UNC5D: variants seen among roughly 807,000 people sequenced by gnomAD.
UNC5D encodes the protein unc-5 netrin receptor D, also known as netrin receptor UNC5D.
Under a neutral mutation model 105.4 loss-of-function variants are expected in UNC5D, and 39 were observed. The ratio of observed to expected loss-of-function variants is 0.37; its 90% CI spans 0.29 to 0.48. The LOEUF (loss-of-function observed/expected upper bound fraction) is 0.48, where lower values mean the gene tolerates loss of function less well. UNC5D is among the 20% of genes least tolerant of loss of function. The pLI, the probability that UNC5D is intolerant of heterozygous loss-of-function variation, is 0.98. For missense variants in UNC5D, 991 were observed against 1,202.4 expected (o/e 0.82, Z 2.60); for synonymous variants, 452 against 450.4 (o/e 1.00, Z -0.04).
intron 11 of UNC5D, among the ~76,000 whole-genome samples, chr8:35,734,292 C>T (rs185133414): frequency 4.5e-4 from 56 of 123,902 alleles, no homozygotes; most frequent in Admixed American, 2.3e-3. Flanking sequence ...CTCCACAGTG[C>T]TTTACTCCCT....
Position 35,631,027 on chromosome 8 carries a change from C to A in UNC5D, c.570+35370C>A, listed in dbSNP as rs549678516. Among the ~76,000 whole-genome samples, 177 of 152,310 alleles carry A rather than the reference C, an allele frequency of 1.2e-3. 3 individuals are homozygous for A. The highest frequency in any genetic ancestry group is 3.4e-3 in the Middle Eastern group (1 of 290). Reference sequence around the variant, plus strand: ...GAAAGGAGTCTTAAAAATCATTTGGCCTGGGCCGGGCACAGTGGCTCAAGC... The same window carrying A: ...GAAAGGAGTCTTAAAAATCATTTGGACTGGGCCGGGCACAGTGGCTCAAGC... On this transcript the variant is annotated intron_variant, in intron 4 of 16. Coordinates refer to ENST00000404895, the MANE Select transcript of UNC5D (RefSeq NM_080872.4).
intron 3 of UNC5D, among the ~76,000 whole-genome samples, chr8:35,569,598 C>G (rs1348132072): frequency 6.6e-6 from 1 of 152,200 alleles, no homozygotes; most frequent in Admixed American, 6.5e-5. Context: ...ACAAGCCAGG[C>G]TCTTGGTGTG....
intron 13 of UNC5D, among the ~76,000 whole-genome samples, chr8:35,756,568 G>A (rs59628747): frequency 0.039 from 5,231 of 133,784 alleles, 303 homozygotes; most frequent in African/African-American, 0.15. Flanking sequence ...AAAAAAAAAA[G>A]AAAAAAAGAA....
intron 1 of UNC5D, among the ~76,000 whole-genome samples, chr8:35,355,132 G>A (rs1801476442): frequency 6.6e-6 from 1 of 152,106 alleles, no homozygotes; most frequent in South Asian, 2.1e-4. Context: ...ATTCGTTGTG[G>A]CAGGGCACAG....
At chr8:35,253,789 AT>A (rs1803887735) in intron 1 of UNC5D, among the ~76,000 whole-genome samples, 2 of 152,002 alleles carry the variant, frequency 1.3e-5, no homozygotes, top group African/African-American at 4.8e-5. Context: ...ACGTGGCCTC[AT>A]TTCATTCTTT....
chr8:35,245,090 G>A (rs1012644715), intron 1 of UNC5D, among the ~76,000 whole-genome samples: 6 of 152,032 alleles, frequency 3.9e-5, no homozygotes, highest in Admixed American at 2.6e-4. Flanking sequence ...CTCAATCTGC[G>A]TACTTTTCTA....
At chr8:35,564,379 G>T (rs575661083) in intron 2 of UNC5D, among the ~76,000 whole-genome samples, 8 of 152,222 alleles carry the variant, frequency 5.3e-5, no homozygotes, top group African/African-American at 1.9e-4. Flanking sequence ...CAATATAGGA[G>T]CTCTGGAATA....
intron 1 of UNC5D, among the ~76,000 whole-genome samples, chr8:35,462,295 TTTTCTC>T (rs1473566741): frequency 1.3e-5 from 2 of 152,126 alleles, no homozygotes; most frequent in African/African-American, 4.8e-5. Flanking sequence ...ATATATTCTA[TTTTCTC>T]TTTAACTACT....
At chr8:35,687,123 T>C (rs1269973056) in intron 7 of UNC5D, among the ~76,000 whole-genome samples, 1 of 152,154 alleles carries the variant, frequency 6.6e-6, no homozygotes, top group Non-Finnish European at 1.5e-5. Context: ...ATGGGTTCTG[T>C]GGCAAGGAAC....
At chr8:35,265,295 T>C (rs544585490) in intron 1 of UNC5D, among the ~76,000 whole-genome samples, 7 of 152,254 alleles carry the variant, frequency 4.6e-5, no homozygotes, top group South Asian at 2.1e-4. Flanking sequence ...TCTTTTTTTT[T>C]CCCCATAAAG....
intron 1 of UNC5D, among the ~76,000 whole-genome samples, chr8:35,286,301 AC>A (rs569290192): frequency 1.6e-3 from 243 of 152,304 alleles, no homozygotes; most frequent in Non-Finnish European, 3.0e-3. Context: ...AGGCAAGAAT[AC>A]CAACCCAAAT....
At chr8:35,513,037 C>T (rs1375304756) in intron 1 of UNC5D, among the ~76,000 whole-genome samples, 27 of 151,520 alleles carry the variant, frequency 1.8e-4, no homozygotes, top group Admixed American at 9.9e-4. Context: ...TGCCCTCTCA[C>T]GCCTTCCCTC....
intron 1 of UNC5D, among the ~76,000 whole-genome samples, chr8:35,334,611 C>G (rs566306416): frequency 8.4e-4 from 127 of 151,924 alleles, no homozygotes; most frequent in Non-Finnish European, 1.5e-3. Flanking sequence ...CTCCCAGATT[C>G]AAGCAATTCT....
intron 1 of UNC5D, among the ~76,000 whole-genome samples, chr8:35,543,192 C>G (rs1815393181): frequency 1.3e-5 from 2 of 151,932 alleles, no homozygotes; most frequent in Non-Finnish European, 2.9e-5. Flanking sequence ...GAAACAAATA[C>G]CAGTATAGTG....
intron 4 of UNC5D, among the ~76,000 whole-genome samples, chr8:35,657,080 G>GTGTGTGTGTGTATA (rs1281641556): frequency 2.1e-5 from 1 of 46,516 alleles, no homozygotes; most frequent in Non-Finnish European, 3.6e-5. Flanking sequence ...GTGTGTGTGT[G>GTGTGTGTGTGTATA]TATATATATA....
At chr8:35,498,541 C>T (rs1261186733) in intron 1 of UNC5D, among the ~76,000 whole-genome samples, 1 of 152,018 alleles carries the variant, frequency 6.6e-6, no homozygotes, top group East Asian at 1.9e-4. Context: ...GGATCAAAGG[C>T]ATACTTGGAG....
At chr8:35,328,762 G>T (rs950961612) in intron 1 of UNC5D, among the ~76,000 whole-genome samples, 4 of 152,116 alleles carry the variant, frequency 2.6e-5, no homozygotes, top group East Asian at 3.9e-4. Flanking sequence ...GTCAGTCCGC[G>T]TCAGGAGCTG....
chr8:35,791,583 A>C lies in UNC5D; in HGVS notation c.*1020A>C, dbSNP rs1288471449. ...ATCCAGATTCTTGAAATTGTCTAAC[A>C]TGTGGGTACTGTGTCATCACAAAAT... On this transcript the variant is annotated 3_prime_UTR_variant, in exon 17 of 17. Transcript: ENST00000404895. 1 of 152,224 alleles carries C rather than the reference A, an allele frequency of 6.6e-6. No homozygotes were observed. The highest frequency in any genetic ancestry group is 1.5e-5 in the Non-Finnish European group (1 of 68,040). The allele number at this position is 152,224 out of a possible 1,614,324, so 9.4% of individuals were successfully genotyped here. A position where few individuals can be genotyped will look rare whatever the true frequency, so the allele number is the denominator to read the frequency against.
At chr8:35,389,755 A>G (rs1803656457) in intron 1 of UNC5D, among the ~76,000 whole-genome samples, 1 of 151,956 alleles carries the variant, frequency 6.6e-6, no homozygotes, top group African/African-American at 2.4e-5. Context: ...AAAAAAAAAA[A>G]AAAGTCTCGT....
Sources: gnomAD v4.1 joint callset for allele counts (sites outside exome capture counted in the v4.1 genomes callset) on GRCh38, gnomAD v4.1.1 for gene constraint, MANE v1.5 for transcripts, NCBI Gene and HGNC (gene_info 2026-07-23, HGNC 2026-07-21) for gene names.